The following NALCN variants were observed in gnomAD, a reference collection of about 807,000 sequenced individuals.
NALCN encodes sodium leak channel, non-selective.
A neutral mutation model predicts 225.3 loss-of-function variants in NALCN; 111 were observed. The observed-to-expected ratio is 0.49, with a 90% CI of 0.42 to 0.58. NALCN has a LOEUF of 0.58. NALCN is among the 20% of genes least tolerant of loss of function. The probability of loss-of-function intolerance (pLI) is 0.00; values close to 1 mark genes in which losing one functional copy is unlikely to be tolerated. For synonymous variants in NALCN, 764 were observed against 769.0 expected, an observed-to-expected ratio of 0.99 and a Z score of 0.11; for missense variants, 1,378 against 2,202.4, an observed-to-expected ratio of 0.63 and a Z score of 7.49.
chr13:101,130,848 G>T (rs2036482623), intron 17 of NALCN, among the ~76,000 whole-genome samples: 1 of 152,044 alleles, frequency 6.6e-6, no homozygotes, highest in Non-Finnish European at 1.5e-5. Context: ...ATATTTTTAG[G>T]TGTGTGCTGT....
At chr13:101,146,865 G>A (rs2139805236) in intron 15 of NALCN, among the ~76,000 whole-genome samples, 1 of 152,194 alleles carries the variant, frequency 6.6e-6, no homozygotes, top group South Asian at 2.1e-4. Context: ...TAATAAAATA[G>A]AATGGCCACT....
chr13:101,383,644 A>T (rs2139443369), intron 3 of NALCN, among the ~76,000 whole-genome samples: 1 of 152,370 alleles, frequency 6.6e-6, no homozygotes, highest in East Asian at 1.9e-4. Flanking sequence ...ATGTCAGTTA[A>T]TATTTCTTAA....
intron 34 of NALCN, among the ~76,000 whole-genome samples, chr13:101,079,385 A>G (rs2033476721): frequency 6.6e-6 from 1 of 152,208 alleles, no homozygotes; most frequent in Non-Finnish European, 1.5e-5. Context: ...TTACCCATCC[A>G]AATCTTGTAC....
At chr13:101,212,684 G>T (rs1316696312) in intron 13 of NALCN, among the ~76,000 whole-genome samples, 1 of 152,100 alleles carries the variant, frequency 6.6e-6, no homozygotes, top group Admixed American at 6.6e-5. Flanking sequence ...TAAAGCTGAG[G>T]CTATGACATT....
chr13:101,366,088 A>G (rs1209448285), intron 6 of NALCN, among the ~76,000 whole-genome samples: 8 of 152,156 alleles, frequency 5.3e-5, no homozygotes, highest in African/African-American at 1.9e-4. Context: ...GATTTCTGCC[A>G]TCACAGTTGG....
Position 101,278,375 on chromosome 13 carries a change from C to A in NALCN, c.1134+5558G>T, listed in dbSNP as rs558449091. ...CGGTTTCTACTAAAAATACAAAAAT[C>A]AGCCAGGCGTGGTGGCGCATGCCTG... On this transcript the variant is annotated intron_variant, in intron 10 of 43. Transcript: ENST00000251127. 3.2e-4 allele frequency among the ~76,000 whole-genome samples: 49 copies of A among 151,724 alleles called. 1 individual carries two copies. In the East Asian group the frequency reaches 9.0e-3, roughly 28 times the overall value.
rs143686322 is a variant in NALCN at position 101,296,584 on chromosome 13, C to T, written c.800-4218G>A. On this transcript the variant is annotated intron_variant, in intron 7 of 43. Transcript: ENST00000251127. ...AGATGTGCTACAGAATATTTTTAGTCCATTTTAATTATAGAACTAAAATTT... is the reference window on the plus strand; with the variant it reads ...AGATGTGCTACAGAATATTTTTAGTTCATTTTAATTATAGAACTAAAATTT... 2.4e-3 allele frequency among the ~76,000 whole-genome samples: 358 copies of T among 152,248 alleles called. 2 individuals are homozygous for T. Among genetic ancestry groups the T allele is most frequent in the South Asian group, 0.019 (90 of 4,822 alleles).
At position 101,076,923 on chromosome 13, in the gene NALCN, C is replaced by G. The variant is rs1289953699; in HGVS notation, c.3886-982G>C. On this transcript the variant is annotated intron_variant, in intron 34 of 43. Coordinates refer to ENST00000251127, the MANE Select transcript of NALCN (RefSeq NM_052867.4). Reference sequence around the variant, plus strand: ...CGATATGGTTTGGCTATGTTCCCACCCAAACCTTATTTTGGATTGTAGTTC... The same window carrying G: ...CGATATGGTTTGGCTATGTTCCCACGCAAACCTTATTTTGGATTGTAGTTC... Among the ~76,000 whole-genome samples the G allele has an allele frequency of 5.3e-5, 8 of 152,192 alleles. No homozygotes were observed. In the East Asian group the frequency reaches 1.4e-3, roughly 26 times the overall value.
At chr13:101,190,366 T>C (rs1488183504) in intron 14 of NALCN, among the ~76,000 whole-genome samples, 3 of 152,196 alleles carry the variant, frequency 2.0e-5, no homozygotes, top group Non-Finnish European at 4.4e-5. Context: ...ATAAACTTAG[T>C]TGAACGCATA....
intron 22 of NALCN, 64 bp downstream of exon 22, chr13:101,107,423 T>C: frequency 6.2e-7 from 1 of 1,607,020 alleles, no homozygotes; most frequent in East Asian, 2.2e-5. Context: ...CTTCTTCATA[T>C]GACAACACCC....
intron 1 of NALCN, among the ~76,000 whole-genome samples, chr13:101,413,712 C>T (rs1279330339): frequency 6.6e-6 from 1 of 152,200 alleles, no homozygotes; most frequent in East Asian, 1.9e-4. Context: ...ATCATTCTAT[C>T]ATCTCTATCA....
At chr13:101,301,381 C>G (rs906622723) in intron 7 of NALCN, among the ~76,000 whole-genome samples, 15 of 152,122 alleles carry the variant, frequency 9.9e-5, no homozygotes, top group African/African-American at 2.9e-4. Context: ...GCAGTGAGGT[C>G]AGGTCAAAAG....
chr13:101,184,197 G>C (rs925875466), intron 14 of NALCN, among the ~76,000 whole-genome samples: 1 of 152,112 alleles, frequency 6.6e-6, no homozygotes, highest in Non-Finnish European at 1.5e-5. Flanking sequence ...GGTATGTTTA[G>C]CATTGACAAT....
chr13:101,185,141 T>G (rs2039397346), intron 14 of NALCN, among the ~76,000 whole-genome samples: 1 of 152,236 alleles, frequency 6.6e-6, no homozygotes, highest in African/African-American at 2.4e-5. Flanking sequence ...TTTCACTTTT[T>G]ATATGGGTCA....
chr13:101,071,587 G>A (rs1488971423), intron 37 of NALCN, among the ~76,000 whole-genome samples: 1 of 152,084 alleles, frequency 6.6e-6, no homozygotes, highest in Non-Finnish European at 1.5e-5. Flanking sequence ...AGAGAGTAAG[G>A]GCCTTCTTCT....
At chr13:101,148,835 A>T (rs1448179757) in intron 15 of NALCN, among the ~76,000 whole-genome samples, 1 of 152,242 alleles carries the variant, frequency 6.6e-6, no homozygotes, top group African/African-American at 2.4e-5. Flanking sequence ...AAGGGTAGAG[A>T]GATAAGCATA....
intron 13 of NALCN, among the ~76,000 whole-genome samples, chr13:101,227,923 C>T (rs1421560295): frequency 2.6e-5 from 4 of 152,228 alleles, no homozygotes; most frequent in Non-Finnish European, 5.9e-5. Context: ...CCTTGCACTT[C>T]CTTTGGCTAC....
intron 13 of NALCN, among the ~76,000 whole-genome samples, chr13:101,201,253 C>G (rs568700890): frequency 2.6e-5 from 4 of 152,298 alleles, no homozygotes; most frequent in Admixed American, 2.6e-4. Flanking sequence ...AGTTTATTCA[C>G]ATGGTTGTGC....
At chr13:101,278,481 C>T (rs2043035982) in intron 10 of NALCN, among the ~76,000 whole-genome samples, 2 of 144,306 alleles carry the variant, frequency 1.4e-5, no homozygotes, top group South Asian at 2.2e-4. Context: ...CAAGATTGTG[C>T]CACTGGATTC....
Sources: gnomAD v4.1 joint callset for allele counts (sites outside exome capture counted in the v4.1 genomes callset) on GRCh38, gnomAD v4.1.1 for gene constraint, MANE v1.5 for transcripts, NCBI Gene and HGNC (gene_info 2026-07-23, HGNC 2026-07-21) for gene names.